Variants in NARS1 observed in about 807,000 individuals in gnomAD.
NARS1 encodes asparaginyl-tRNA synthetase 1, also known as asparagine--tRNA ligase, cytoplasmic.
Under a neutral mutation model 79.2 loss-of-function variants are expected in NARS1, and 65 were observed. That is an observed-to-expected ratio of 0.82 (90% CI 0.67 to 1.01). The LOEUF (loss-of-function observed/expected upper bound fraction) is 1.01, where lower values mean the gene tolerates loss of function less well. Ranked by LOEUF, NARS1 falls within the 50% of genes least tolerant of loss-of-function variation. NARS1 has a pLI of 0.00. For missense variants in NARS1, 649 were observed against 673.8 expected, an observed-to-expected ratio of 0.96 and a Z score of 0.41; for synonymous variants, 229 against 238.8, an observed-to-expected ratio of 0.96 and a Z score of 0.38.
Position 57,615,837 on chromosome 18 carries a change from C to T in NARS1, c.232G>A (p.Glu78Lys), listed in dbSNP as rs1423916917. 1.2e-6 allele frequency: 2 copies of T among 1,612,262 alleles called. No individual in the cohort carries two copies. The highest frequency in any genetic ancestry group is 8.5e-7 in the Non-Finnish European group (1 of 1,179,468). ...KMWHREQMKS[E>K]SREKKEAEDS... ...CTCACCTCTTTCTTTTCCCGGGATTCACTCTTCATTTGTTCCCTATGCCAC... is the reference window on the plus strand; with the variant it reads ...CTCACCTCTTTCTTTTCCCGGGATTTACTCTTCATTTGTTCCCTATGCCAC... Residue 78 changes from glutamate (E) to lysine (K), a missense_variant, in exon 3 of 14, where the codon GAA becomes AAA. Coordinates refer to ENST00000256854, the MANE Select transcript of NARS1 (RefSeq NM_004539.4).
chr18:57,613,529 C>T lies in NARS1; in HGVS notation c.421+73G>A. On this transcript the variant is annotated intron_variant, in intron 5 of 13. Coordinates refer to ENST00000256854, the MANE Select transcript of NARS1 (RefSeq NM_004539.4). The stretch of plus-strand genomic sequence containing the variant: ...GGGAGAGAAAAAAACCCCTGCAAAT[C>T]TTTGTATGTTTTTCTTCATCTAAGA... The T allele has an allele frequency of 6.7e-6, 9 of 1,344,118 alleles. No individual in the cohort carries two copies. In the South Asian group the frequency reaches 1.0e-4, roughly 15 times the overall value. The allele number at this position is 1,344,118 out of a possible 1,614,324, so 83.3% of individuals were successfully genotyped here. A position where few individuals can be genotyped will look rare whatever the true frequency, so the allele number is the denominator to read the frequency against.
intron 5 of NARS1, 92 bp downstream of exon 5, chr18:57,613,510 G>A: frequency 8.5e-7 from 1 of 1,174,348 alleles, no homozygotes. Context: ...AAGGGGGAGA[G>A]AAAAAAACCC....
Position 57,602,891 on chromosome 18 carries a change from A to T in NARS1, c.1304T>A (p.Ile435Asn). Residue 435 changes from isoleucine (I) to asparagine (N), a missense_variant, in exon 12 of 14, where the codon ATC (isoleucine) becomes AAC (asparagine). Transcript: ENST00000256854. ...RLMTDTINEP[I>N]LLCRFPVEIK... is the part of the protein sequence containing the mutation. ...CTCCACAGGAAATCGACACAGCAAG[A>T]TTGGTTCATTAATGGTGTCTGTCAT... 1.2e-6 allele frequency: 2 copies of T among 1,614,110 alleles called. No homozygotes were observed. Among genetic ancestry groups the T allele is most frequent in the Non-Finnish European group, 1.7e-6 (2 of 1,179,986 alleles).
At chr18:57,606,977 C>G (rs911699136) in intron 9 of NARS1, 157 bp downstream of exon 9, 2 of 940,990 alleles carry the variant, frequency 2.1e-6, no homozygotes, top group African/African-American at 3.3e-5. Context: ...AACTTAGCTA[C>G]GATCTAAGGT....
At chr18:57,611,117 C>T (rs1164621000) in intron 6 of NARS1, among the ~76,000 whole-genome samples, 13 of 151,914 alleles carry the variant, frequency 8.6e-5, no homozygotes, top group Admixed American at 8.5e-4. Flanking sequence ...CAGATATGCA[C>T]CACCACACCT....
Position 57,601,333 on chromosome 18 carries a change from A to C in NARS1, c.*319T>G, listed in dbSNP as rs953495233. On this transcript the variant is annotated 3_prime_UTR_variant, in exon 14 of 14. Transcript: ENST00000256854. ...TCTAAAATTGTTGAATTATACATAC[A>C]TATAACTTGAATAAAATGAATAACT... The C allele has an allele frequency of 9.9e-6, 2 of 201,108 alleles. No individual in the cohort carries two copies. Among genetic ancestry groups the C allele is most frequent in the Non-Finnish European group, 2.1e-5 (2 of 96,754 alleles). 12.5% of individuals were successfully genotyped at this position (201,108 alleles called of 1,614,324 possible).
At chr18:57,609,635 A>C (rs2051589365) in intron 6 of NARS1, among the ~76,000 whole-genome samples, 192 bp from the exon 7 acceptor site, 1 of 152,240 alleles carries the variant, frequency 6.6e-6, no homozygotes, top group South Asian at 2.1e-4. Flanking sequence ...CTATATATAG[A>C]CATATACATG....
chr18:57,613,204 A>T (rs2051619273), intron 5 of NARS1, among the ~76,000 whole-genome samples: 1 of 151,380 alleles, frequency 6.6e-6, no homozygotes, highest in Non-Finnish European at 1.5e-5. Context: ...TACCAAAAAA[A>T]AAAAGAGGGC....
chr18:57,609,562 G>C (rs1035010032), intron 6 of NARS1, 119 bp from the exon 7 acceptor site: 13 of 695,024 alleles, frequency 1.9e-5, no homozygotes, highest in Non-Finnish European at 3.1e-5. Flanking sequence ...GTAAAATAAA[G>C]AGTGAGATGG....
chr18:57,615,896 A>G lies in NARS1; in HGVS notation c.173T>C (p.Ile58Thr). The G allele has an allele frequency of 1.9e-6, 3 of 1,613,436 alleles. No individual in the cohort carries two copies. The highest frequency in any genetic ancestry group is 2.5e-6 in the Non-Finnish European group (3 of 1,179,676). ...AATGTTCTTCAACTGTGATTTAGAA[A>G]TAACATTCCACCTCTCATTTTCTTT... ...SQKENERWNV[I>T]SKSQLKNIKK... The change falls in exon 3 of 14, where the codon ATT becomes ACT. Residue 58 changes from isoleucine (I) to threonine (T), a missense_variant. Ile to Thr is a moderately conservative substitution (Grantham distance 89). Transcript: ENST00000256854.
intron 9 of NARS1, 70 bp from the exon 10 acceptor site, chr18:57,606,821 A>C: frequency 6.3e-7 from 1 of 1,587,114 alleles, no homozygotes; most frequent in Non-Finnish European, 8.6e-7. Flanking sequence ...AAGGCTTTTA[A>C]CATTGGGAAG....
chr18:57,609,442 C>T lies in NARS1; in HGVS notation c.494G>A (p.Cys165Tyr), dbSNP rs756379516. The T allele has an allele frequency of 4.3e-6, 7 of 1,612,506 alleles. No homozygotes were observed. Among genetic ancestry groups the T allele is most frequent in the Non-Finnish European group, 5.9e-6 (7 of 1,179,236 alleles). Residue 165 changes from cysteine (C) to tyrosine (Y), a missense_variant and splice_region_variant, in exon 7 of 14, where the codon TGT becomes TAT. Physicochemically the swap from Cys to Tyr is radical, Grantham distance 194. Transcript: ENST00000256854. The stretch of plus-strand genomic sequence containing the variant: ...CAAGAGAACTCCATTGTAGCACTGA[C>T]ACTATAAAAAGGTCAAAGCTCAAAT... Reference protein sequence around the residue: ...YLQCVLADELCQCYNGVLLST... With the variant: ...YLQCVLADELYQCYNGVLLST...
intron 10 of NARS1, 22 bp downstream of exon 10, chr18:57,606,593 CT>C (rs1177456294): frequency 1.3e-6 from 2 of 1,583,704 alleles, no homozygotes; most frequent in Admixed American, 1.8e-5. Flanking sequence ...GTGACTTTTT[CT>C]TTCCATAAAC....
chr18:57,602,335 A>G lies in NARS1; in HGVS notation c.1515+20T>C. 1 of 1,604,894 alleles carries G rather than the reference A, an allele frequency of 6.2e-7. No homozygotes were observed. The highest frequency in any genetic ancestry group is 8.5e-7 in the Non-Finnish European group (1 of 1,176,558). ...ATTACAGTGGAAAAAAATGTTGAGT[A>G]CTTAAAAAATTGGTTTTACCTGATC... On this transcript the variant is annotated intron_variant, in intron 13 of 13. Coordinates refer to ENST00000256854, the MANE Select transcript of NARS1 (RefSeq NM_004539.4).
At position 57,620,646 on chromosome 18, in the gene NARS1, G is replaced by C. The variant is rs765135039; in HGVS notation, c.16C>G (p.Leu6Val). 1.9e-6 allele frequency: 3 copies of C among 1,609,592 alleles called. No individual in the cohort carries two copies. Among genetic ancestry groups the C allele is most frequent in the South Asian group, 2.2e-5 (2 of 90,638 alleles). Reference sequence around the variant, plus strand: ...CTTCCCTCTCGGTCAGAGACGTACAGCTCTGCTGTTTGACAAAATGAGGGT... The same window carrying C: ...CTTCCCTCTCGGTCAGAGACGTACACCTCTGCTGTTTGACAAAATGAGGGT... The part of the protein sequence containing the change: MVLAE[L>V]YVSDREGSDA... Residue 6 changes from leucine (L) to valine (V), a missense_variant, in exon 2 of 14, where the codon CTG becomes GTG. Physicochemically the swap from Leu to Val is conservative, Grantham distance 32. Transcript: ENST00000256854.
chr18:57,613,865 CA>C (rs201474910), intron 4 of NARS1, among the ~76,000 whole-genome samples, 185 bp from the exon 5 acceptor site: 2 of 151,092 alleles, frequency 1.3e-5, no homozygotes, highest in African/African-American at 2.4e-5. Flanking sequence ...TAAAACAAAA[CA>C]AAAAAAAATC....
At chr18:57,606,402 T>C (rs749446417) in intron 10 of NARS1, among the ~76,000 whole-genome samples, 1 of 150,800 alleles carries the variant, frequency 6.6e-6, no homozygotes, top group Non-Finnish European at 1.5e-5. Flanking sequence ...GAAAACTATG[T>C]AGACATTCCT....
chr18:57,606,586 A>G, intron 10 of NARS1, 30 bp downstream of exon 10: 1 of 1,586,512 alleles, frequency 6.3e-7, no homozygotes, highest in South Asian at 1.1e-5. Flanking sequence ...AAGGACTGTG[A>G]CTTTTTCTTT....
rs1203984805 is a variant in NARS1, at chr18:57,601,580, T to C, written c.*72A>G. 3 of 1,434,296 alleles carry C rather than the reference T, an allele frequency of 2.1e-6. No individual in the cohort carries two copies. The highest frequency in any genetic ancestry group is 2.2e-5 in the Admixed American group (1 of 45,500). The allele number at this position is 1,434,296 out of a possible 1,614,324, so 88.8% of individuals were successfully genotyped here. A position where few individuals can be genotyped will look rare whatever the true frequency, so the allele number is the denominator to read the frequency against. The stretch of plus-strand genomic sequence containing the variant: ...CAATGAAACAAAAAAAGGAAGATTC[T>C]GGCTTTTTGTTTTCTTTTTTAAAGA... On this transcript the variant is annotated 3_prime_UTR_variant, in exon 14 of 14. Transcript: ENST00000256854.
Sources: gnomAD v4.1 joint callset for allele counts (sites outside exome capture counted in the v4.1 genomes callset) on GRCh38, gnomAD v4.1.1 for gene constraint, MANE v1.5 for transcripts, NCBI Gene and HGNC (gene_info 2026-07-23, HGNC 2026-07-21) for gene names.